LMO7: variants seen among roughly 807,000 people sequenced by gnomAD.
LMO7 encodes the protein LIM domain 7, also known as LIM domain only protein 7.
In LMO7, 120 loss-of-function variants were observed where a neutral mutation model predicts 206.5. The observed-to-expected ratio is 0.58, with a 90% CI of 0.50 to 0.68. The LOEUF (loss-of-function observed/expected upper bound fraction) is 0.68, where lower values mean the gene tolerates loss of function less well. Among genes scored for constraint, LMO7 ranks in the 30% least tolerant of loss-of-function variants. The probability of loss-of-function intolerance (pLI) is 0.00; values close to 1 mark genes in which losing one functional copy is unlikely to be tolerated. For missense variants in LMO7, 1,959 were observed against 1,957.9 expected (o/e 1.00, Z -0.01); for synonymous variants, 706 against 681.5 (o/e 1.04, Z -0.56).
chr13:75,715,392 TAA>T (rs1272356754), intron 2 of LMO7, among the ~76,000 whole-genome samples: 1 of 152,220 alleles, frequency 6.6e-6, no homozygotes, highest in Non-Finnish European at 1.5e-5. Context: ...ATTGGCTTTT[TAA>T]AAAGTCACTT....
intron 26 of LMO7, among the ~76,000 whole-genome samples, chr13:75,848,529 T>C (rs529652770): frequency 9.9e-5 from 15 of 152,226 alleles, no homozygotes; most frequent in Non-Finnish European, 2.2e-4. Context: ...TGGTTCCACA[T>C]TTTTGCATTG....
At position 75,853,236 on chromosome 13, in the gene LMO7, C is replaced by T. The variant is rs1254268915; in HGVS notation, c.4509C>T (p.Asn1503=). The T allele has an allele frequency of 1.2e-6, 2 of 1,614,130 alleles. No individual in the cohort carries two copies. The highest frequency in any genetic ancestry group is 8.5e-7 in the Non-Finnish European group (1 of 1,180,022). The change falls in exon 28 of 31, where the codon AAC becomes AAT. Residue 1503 remains asparagine (N), a synonymous_variant. Coordinates refer to ENST00000377534, the MANE Select transcript of LMO7 (RefSeq NM_001306080.2). ...RPPPQLVSTS[N]RAYMRNPSSS... ...CACCTCAGCTGGTGTCCACATCAAA[C>T]CGTGCCTACATGCGGAACCCCTCCT...
At chr13:75,703,529 G>T (rs569209495) in intron 1 of LMO7, among the ~76,000 whole-genome samples, 1 of 152,284 alleles carries the variant, frequency 6.6e-6, no homozygotes, top group Admixed American at 6.5e-5. Context: ...GTAAACCAGG[G>T]GTAAGAGATG....
intron 1 of LMO7, among the ~76,000 whole-genome samples, chr13:75,699,677 A>C (rs1339868250): frequency 1.3e-5 from 2 of 152,196 alleles, no homozygotes; most frequent in Admixed American, 1.3e-4. Context: ...AGGCAATAAA[A>C]TATCACAAGG....
At chr13:75,805,957 T>G in intron 9 of LMO7, 197 bp downstream of exon 9, 1 of 1,142,296 alleles carries the variant, frequency 8.8e-7, no homozygotes, top group Non-Finnish European at 1.2e-6. Context: ...AAAGCCCTGT[T>G]CTATACATAG....
intron 1 of LMO7, among the ~76,000 whole-genome samples, chr13:75,638,038 A>T (rs1410247015): frequency 6.6e-6 from 1 of 152,230 alleles, no homozygotes; most frequent in East Asian, 1.9e-4. Flanking sequence ...TCATTCATAA[A>T]CTTTGAAAAG....
intron 6 of LMO7, among the ~76,000 whole-genome samples, chr13:75,796,978 T>C (rs915864654): frequency 6.6e-6 from 1 of 152,308 alleles, no homozygotes; most frequent in Middle Eastern, 3.4e-3. Flanking sequence ...ATTTCCAAGG[T>C]AGAGAAACTT....
chr13:75,702,999 G>A (rs1435077741), intron 1 of LMO7, among the ~76,000 whole-genome samples: 1 of 152,192 alleles, frequency 6.6e-6, no homozygotes, highest in African/African-American at 2.4e-5. Context: ...TATCACTAGA[G>A]TGATATACTT....
At chr13:75,783,351 C>T (rs901400471) in intron 4 of LMO7, among the ~76,000 whole-genome samples, 6 of 152,054 alleles carry the variant, frequency 3.9e-5, no homozygotes, top group Admixed American at 6.6e-5. Context: ...CACAGAGTCT[C>T]GCTCTGTTGC....
chr13:75,735,790 T>A (rs895463564), intron 3 of LMO7, among the ~76,000 whole-genome samples: 3 of 151,960 alleles, frequency 2.0e-5, no homozygotes, highest in African/African-American at 7.2e-5. Flanking sequence ...AATATTCAGT[T>A]TAATAAAACA....
chr13:75,627,594 AACAAAC>A (rs980836907), intron 2 of LMO7: 2 of 96,774 alleles, frequency 2.1e-5, no homozygotes, highest in African/African-American at 7.0e-5. Context: ...CCAAAACATA[AACAAAC>A]ACACACACAC....
intron 26 of LMO7, 68 bp downstream of exon 26, chr13:75,845,447 AT>A: frequency 2.2e-6 from 2 of 903,802 alleles, no homozygotes; most frequent in Admixed American, 2.0e-5. Context: ...TATGAGAAGT[AT>A]TTTTAAGGTC....
intron 4 of LMO7, among the ~76,000 whole-genome samples, chr13:75,775,761 T>C (rs555759384): frequency 1.7e-4 from 26 of 152,022 alleles, no homozygotes; most frequent in Non-Finnish European, 3.7e-4. Context: ...AGATACCTTA[T>C]ACCAGTCAGA....
At chr13:75,627,091 A>G (rs1266775472) in intron 2 of LMO7, 1 of 152,150 alleles carries the variant, frequency 6.6e-6, no homozygotes, top group East Asian at 1.9e-4. Flanking sequence ...CCAATTTCAG[A>G]ATGTAAACAA....
chr13:75,761,081 A>C (rs755063774), intron 4 of LMO7, 43 bp downstream of exon 4: 1 of 1,211,896 alleles, frequency 8.3e-7, no homozygotes, highest in Non-Finnish European at 1.2e-6. Flanking sequence ...ATATATTTAA[A>C]CTTAGGGCTT....
At chr13:75,749,054 G>A (rs1219525450) in intron 3 of LMO7, among the ~76,000 whole-genome samples, 2 of 152,022 alleles carry the variant, frequency 1.3e-5, no homozygotes, top group Non-Finnish European at 2.9e-5. Flanking sequence ...CAATACTCCT[G>A]CCTAGGCCTC....
intron 4 of LMO7, among the ~76,000 whole-genome samples, chr13:75,768,722 A>G (rs2049231590): frequency 6.6e-6 from 1 of 152,076 alleles, no homozygotes; most frequent in Non-Finnish European, 1.5e-5. Flanking sequence ...TCCTTTAGAT[A>G]AGAAGCTATT....
At chr13:75,741,092 A>C (rs985910624) in intron 3 of LMO7, among the ~76,000 whole-genome samples, 1 of 152,222 alleles carries the variant, frequency 6.6e-6, no homozygotes, top group Non-Finnish European at 1.5e-5. Flanking sequence ...GATATCAATA[A>C]ATTTGATTAA....
At chr13:75,798,626 A>C (rs1354111274) in intron 6 of LMO7, among the ~76,000 whole-genome samples, 1 of 152,224 alleles carries the variant, frequency 6.6e-6, no homozygotes. Context: ...TGACTATATC[A>C]CATGTTTTGT....
Sources: allele counts gnomAD v4.1 joint callset (sites outside exome capture counted in the v4.1 genomes callset), GRCh38; gene constraint gnomAD v4.1.1; transcripts MANE v1.5; gene names NCBI Gene and HGNC (gene_info 2026-07-23, HGNC 2026-07-21).